Variants in RAB30 observed in about 807,000 individuals in gnomAD.
RAB30 encodes ras-related protein Rab-30.
In RAB30, 9 loss-of-function variants were observed where a neutral mutation model predicts 25.1. The observed-to-expected ratio is 0.36, with a 90% CI of 0.22 to 0.63. RAB30 has a LOEUF of 0.63. Ranked by LOEUF, RAB30 falls within the 20% of genes least tolerant of loss-of-function variation. The pLI is 0.69. For synonymous variants in RAB30, 77 were observed against 86.4 expected, an observed-to-expected ratio of 0.89 and a Z score of 0.60; for missense variants, 140 against 243.5, an observed-to-expected ratio of 0.58 and a Z score of 2.83.
At chr11:83,029,118 C>T (rs1209793206) in intron 1 of RAB30, among the ~76,000 whole-genome samples, 3 of 152,044 alleles carry the variant, frequency 2.0e-5, no homozygotes, top group African/African-American at 7.2e-5. Flanking sequence ...CAACAGAGGA[C>T]GCCAACATGA....
At chr11:83,017,331 C>T (rs1590855755) in intron 1 of RAB30, among the ~76,000 whole-genome samples, 1 of 151,988 alleles carries the variant, frequency 6.6e-6, no homozygotes, top group Admixed American at 6.6e-5. Flanking sequence ...GAGTGAGACC[C>T]TGTATCAAAA....
At chr11:82,986,153 G>C (rs1183756293) in intron 4 of RAB30, among the ~76,000 whole-genome samples, 1 of 152,110 alleles carries the variant, frequency 6.6e-6, no homozygotes, top group Non-Finnish European at 1.5e-5. Flanking sequence ...AAATCTATTA[G>C]AGATATACAC....
Position 82,982,090 on chromosome 11 carries a change from A to G in RAB30, c.*75T>C. 2 of 1,585,046 alleles carry G rather than the reference A, an allele frequency of 1.3e-6. No homozygotes were observed. The highest frequency in any genetic ancestry group is 8.6e-7 in the Non-Finnish European group (1 of 1,161,236). ...AGGTCAGAGAGCGGGAGCCACAGTC[A>G]TCGCCAGATCTCCCCAGCATCTCAT... On this transcript the variant is annotated 3_prime_UTR_variant, in exon 5 of 5. Coordinates refer to ENST00000527633, the MANE Select transcript of RAB30 (RefSeq NM_001286060.2).
At chr11:82,982,766 G>A (rs1381136841) in intron 4 of RAB30, among the ~76,000 whole-genome samples, 3 of 152,138 alleles carry the variant, frequency 2.0e-5, no homozygotes, top group African/African-American at 7.2e-5. Flanking sequence ...GGAGGCTGAG[G>A]CAGAAGAATC....
intron 1 of RAB30, among the ~76,000 whole-genome samples, chr11:83,044,359 T>C (rs1858192810): frequency 6.6e-6 from 1 of 152,248 alleles, no homozygotes. Flanking sequence ...TATTGACTTA[T>C]GTGAACAAAC....
chr11:82,978,868 C>T lies in RAB30; in HGVS notation c.*3297G>A, dbSNP rs541043436. 6.4e-4 allele frequency: 98 copies of T among 152,262 alleles called. 2 individuals carry two copies. The highest frequency in any genetic ancestry group is 2.2e-3 in the African/African-American group (93 of 41,534). 9.4% of individuals were successfully genotyped at this position (152,262 alleles called of 1,614,324 possible). Reference sequence around the variant, plus strand: ...CAATCGTTTCTACCTTCCTTATAAACTCTAAATCAGAACTTGACACATTGT... The same window carrying T: ...CAATCGTTTCTACCTTCCTTATAAATTCTAAATCAGAACTTGACACATTGT... On this transcript the variant is annotated 3_prime_UTR_variant, in exon 5 of 5. Coordinates refer to ENST00000527633, the MANE Select transcript of RAB30 (RefSeq NM_001286060.2).
chr11:83,009,345 C>T (rs997676559), intron 1 of RAB30, among the ~76,000 whole-genome samples: 8 of 152,144 alleles, frequency 5.3e-5, no homozygotes, highest in East Asian at 1.9e-4. Flanking sequence ...GAATTACAGG[C>T]GTGAGCCACC....
intron 2 of RAB30, among the ~76,000 whole-genome samples, chr11:82,994,389 A>C (rs12293386): frequency 0.083 from 12,619 of 152,228 alleles, 589 homozygotes; most frequent in Middle Eastern, 0.17. Context: ...AGATAAAGAC[A>C]GGTGAAGGAG....
chr11:83,046,951 T>C (rs150617265), intron 1 of RAB30, among the ~76,000 whole-genome samples: 1,813 of 152,298 alleles, frequency 0.012, 25 homozygotes, highest in African/African-American at 0.034. Flanking sequence ...CTTTAAACCC[T>C]GACATTTTAA....
intron 1 of RAB30, among the ~76,000 whole-genome samples, chr11:83,054,276 T>C (rs1475093450): frequency 1.3e-5 from 2 of 152,192 alleles, no homozygotes; most frequent in African/African-American, 4.8e-5. Context: ...ATTATGACCA[T>C]ACTGTATGAT....
At chr11:83,006,305 C>T (rs1234615635) in intron 1 of RAB30, among the ~76,000 whole-genome samples, 1 of 152,166 alleles carries the variant, frequency 6.6e-6, no homozygotes, top group Non-Finnish European at 1.5e-5. Context: ...ATTATAAAAA[C>T]AACCTAAAAG....
At chr11:83,040,319 TGGCTCGGG>T (rs1297071117) in intron 1 of RAB30, among the ~76,000 whole-genome samples, 1 of 152,214 alleles carries the variant, frequency 6.6e-6, no homozygotes, top group Non-Finnish European at 1.5e-5. Flanking sequence ...CTGGGTGCAG[TGGCTCGGG>T]CCTGTAATCC....
chr11:83,058,346 AT>A (rs1188327716), intron 1 of RAB30, among the ~76,000 whole-genome samples: 1 of 152,248 alleles, frequency 6.6e-6, no homozygotes, highest in African/African-American at 2.4e-5. Context: ...ATGGCAAAAA[AT>A]AAAATAAAAT....
At chr11:83,041,707 T>C (rs1858120641) in intron 1 of RAB30, 3 of 154,006 alleles carry the variant, frequency 1.9e-5, no homozygotes, top group East Asian at 1.9e-4. Context: ...AAAAAAAAAG[T>C]TTTTATAAAC....
intron 1 of RAB30, among the ~76,000 whole-genome samples, chr11:83,018,327 C>G (rs1001584421): frequency 1.5e-4 from 22 of 150,214 alleles, no homozygotes; most frequent in African/African-American, 4.4e-4. Context: ...AAAATGTTTC[C>G]TTTCACCACA....
At chr11:83,063,166 C>T (rs1280630644) in intron 1 of RAB30, among the ~76,000 whole-genome samples, 1 of 152,142 alleles carries the variant, frequency 6.6e-6, no homozygotes, top group Non-Finnish European at 1.5e-5. Flanking sequence ...TCACTGATGG[C>T]CACTCCTAAG....
intron 1 of RAB30, among the ~76,000 whole-genome samples, chr11:83,045,538 G>T (rs527397405): frequency 6.6e-6 from 1 of 152,324 alleles, no homozygotes; most frequent in African/African-American, 2.4e-5. Context: ...GAATGGAGAA[G>T]CACAATCCAA....
At position 82,987,674 on chromosome 11, in the gene RAB30, T is replaced by C. The variant is rs1271908434; in HGVS notation, c.274A>G (p.Thr92Ala). The change falls in exon 4 of 5, where the codon ACC becomes GCC. Residue 92 changes from threonine (T) to alanine (A), a missense_variant. Transcript: ENST00000527633. ...AGGCAACGGAAGGATTCCTCACAGG[T>C]AATGTCATAGGTGAGGATCAAGGCA... ...ANALILTYDI[T>A]CEESFRCLPE... 1 of 1,613,798 alleles carries C rather than the reference T, an allele frequency of 6.2e-7. No individual in the cohort carries two copies. Among genetic ancestry groups the C allele is most frequent in the Non-Finnish European group, 8.5e-7 (1 of 1,179,816 alleles).
At chr11:83,062,248 A>C (rs1384366741) in intron 1 of RAB30, among the ~76,000 whole-genome samples, 1 of 152,190 alleles carries the variant, frequency 6.6e-6, no homozygotes, top group African/African-American at 2.4e-5. Flanking sequence ...TTGGTTCCTC[A>C]TTTGTATGTA....
Sources: allele counts gnomAD v4.1 joint callset (sites outside exome capture counted in the v4.1 genomes callset), GRCh38; gene constraint gnomAD v4.1.1; transcripts MANE v1.5; gene names NCBI Gene and HGNC (gene_info 2026-07-23, HGNC 2026-07-21).